Variants in ZNF678 observed in about 807,000 individuals in gnomAD.
ZNF678 encodes hypothetical protein MGC42493.
In ZNF678, 5 loss-of-function variants were observed where a neutral mutation model predicts 3.0. The ratio of observed to expected loss-of-function variants is 1.69; its 90% confidence interval spans 0.88 to 3.56. The LOEUF is 3.56. Among genes scored for constraint, ZNF678 ranks in the 30% most tolerant of loss-of-function variants. ZNF678 has a pLI of 0.00. For synonymous variants in ZNF678, 218 were observed against 199.6 expected (o/e 1.09, Z -0.78); for missense variants, 593 against 605.0 (o/e 0.98, Z 0.21).
chr1:227,653,695 T>A (rs1238556183), intron 3 of ZNF678, among the ~76,000 whole-genome samples: 3 of 152,096 alleles, frequency 2.0e-5, no homozygotes, highest in Non-Finnish European at 4.4e-5. Context: ...TCTCTGGAAT[T>A]GTGTGTTTAC....
At position 227,655,698 on chromosome 1, in the gene ZNF678, A is replaced by T; in HGVS notation, c.1448A>T (p.His483Leu). 1 of 1,612,794 alleles carries T rather than the reference A, an allele frequency of 6.2e-7. No individual in the cohort carries two copies. The part of the protein sequence containing the change: ...FSSLTRHKRI[H>L]TGEKRYKCKE... ...AGCCTTACTCGTCATAAAAGAATTC[A>T]TACTGGAGAGAAACGCTACAAATGT... Residue 483 changes from histidine (H) to leucine (L), a missense_variant, in exon 4 of 4, where the codon CAT becomes CTT. Physicochemically the swap from His to Leu is moderately conservative, Grantham distance 99. Coordinates refer to ENST00000343776, the MANE Select transcript of ZNF678 (RefSeq NM_001367909.1).
rs146831744 is a variant in ZNF678, at chr1:227,644,508, T to A, written c.-163-2036T>A. The stretch of plus-strand genomic sequence containing the variant: ...TGGTCTTCACTTTGGATCATAAATA[T>A]TTGTATTGGGCTAAGAGTATTGTGT... On this transcript the variant is annotated intron_variant, in intron 1 of 3. Transcript: ENST00000343776. Among the ~76,000 whole-genome samples, 1,127 of 152,300 alleles carry A rather than the reference T, an allele frequency of 7.4e-3. 7 individuals carry two copies. The highest frequency in any genetic ancestry group is 0.037 in the Middle Eastern group (11 of 294).
chr1:227,566,169 G>A (rs566696515), intron 1 of ZNF678, among the ~76,000 whole-genome samples: 2 of 152,260 alleles, frequency 1.3e-5, no homozygotes, highest in East Asian at 3.9e-4. Flanking sequence ...TGGTTCCTGG[G>A]TTTTTTCCTC....
At chr1:227,599,209 GGTTTTT>G (rs1362679576) in intron 1 of ZNF678, 6 of 922,056 alleles carry the variant, frequency 6.5e-6, no homozygotes, top group South Asian at 1.4e-5. Flanking sequence ...ACTGGTTTCA[GGTTTTT>G]GTTTTTGTTT....
intron 1 of ZNF678, among the ~76,000 whole-genome samples, chr1:227,576,472 A>T (rs1170099848): frequency 6.6e-6 from 1 of 151,980 alleles, no homozygotes; most frequent in Non-Finnish European, 1.5e-5. Context: ...CAGTCTGGGG[A>T]GGGTGTGTGT....
intron 1 of ZNF678, among the ~76,000 whole-genome samples, chr1:227,610,293 G>A (rs995875460): frequency 2.0e-5 from 3 of 152,140 alleles, no homozygotes; most frequent in African/African-American, 7.2e-5. Flanking sequence ...AAATAGCAGA[G>A]AATAATATTT....
At chr1:227,669,259 AACAG>A (rs1659559497) in intron 5 of ZNF678, among the ~76,000 whole-genome samples, 1 of 152,224 alleles carries the variant, frequency 6.6e-6, no homozygotes, top group Non-Finnish European at 1.5e-5. Flanking sequence ...AAAAGACATG[AACAG>A]ACACTTTTCA....
intron 1 of ZNF678, among the ~76,000 whole-genome samples, chr1:227,603,491 G>A (rs780803360): frequency 1.3e-4 from 20 of 152,136 alleles, no homozygotes; most frequent in Non-Finnish European, 2.6e-4. Flanking sequence ...CAGTGTACTT[G>A]GCAGCCTCAG....
In ZNF678 at chr1:227,606,524, C is replaced by G. The variant is rs546417587; in HGVS notation, c.-163-40020C>G. ...GAGACATTCCATTCCCAGGGACATG[C>G]CGGAATCAGAGGCCTTCCTCTTATT... On this transcript the variant is annotated intron_variant, in intron 1 of 3. Transcript: ENST00000343776. Among the ~76,000 whole-genome samples, 30 of 152,304 alleles carry G rather than the reference C, an allele frequency of 2.0e-4. No individual in the cohort carries two copies. The South Asian group carries it at 6.2e-3, about 32-fold the overall frequency.
chr1:227,643,307 ATATT>A (rs777300427), intron 1 of ZNF678, among the ~76,000 whole-genome samples: 8 of 152,228 alleles, frequency 5.3e-5, no homozygotes, highest in Non-Finnish European at 1.0e-4. Flanking sequence ...GGTTTATATT[ATATT>A]TATTATTAGG....
rs1253417691 is a variant in ZNF678 at position 227,657,189 on chromosome 1, G to C, written c.*1361G>C. 6.6e-6 allele frequency: 1 copy of C among 151,834 alleles called. No individual in the cohort carries two copies. Among genetic ancestry groups the C allele is most frequent in the East Asian group, 1.9e-4 (1 of 5,172 alleles). 9.4% of individuals were successfully genotyped at this position (151,834 alleles called of 1,614,324 possible). A position where few individuals can be genotyped will look rare whatever the true frequency, so the allele number is the denominator to read the frequency against. On this transcript the variant is annotated 3_prime_UTR_variant, in exon 4 of 4. Transcript: ENST00000343776. ...TCTCTGTTAGTTCATGTGAAAGCTG[G>C]TTGTTAAAAACAAAAACAAACAAAC...
intron 1 of ZNF678, among the ~76,000 whole-genome samples, chr1:227,604,942 G>A (rs1459854144): frequency 2.0e-5 from 3 of 151,952 alleles, no homozygotes; most frequent in East Asian, 1.9e-4. Context: ...TGCAAGCTCC[G>A]CCTCCCAGGT....
chr1:227,650,488 A>G (rs1363392967), intron 2 of ZNF678, among the ~76,000 whole-genome samples: 3 of 152,152 alleles, frequency 2.0e-5, no homozygotes, highest in African/African-American at 7.2e-5. Flanking sequence ...AATGCTATAT[A>G]AATTTTAAAA....
chr1:227,646,103 A>G (rs1658948970), intron 1 of ZNF678, among the ~76,000 whole-genome samples: 2 of 152,238 alleles, frequency 1.3e-5, no homozygotes, highest in Admixed American at 6.5e-5. Context: ...TCACAGGTGA[A>G]CTTGTTCAAA....
rs554070579 is a variant in ZNF678 at position 227,655,530 on chromosome 1, A to C, written c.1280A>C (p.His427Pro). 5 of 1,612,792 alleles carry C rather than the reference A, an allele frequency of 3.1e-6. No homozygotes were observed. The South Asian group carries it at 4.4e-5, about 14-fold the overall frequency. ...CSHLTSHKRI[H>P]TGEKPYKCKE... ...CACCTAACTAGCCATAAGAGAATTC[A>C]TACTGGAGAGAAACCCTACAAATGT... Residue 427 changes from histidine (H) to proline (P), a missense_variant, in exon 4 of 4, where the codon CAT (histidine) becomes CCT (proline). Transcript: ENST00000343776.
chr1:227,673,431 A>T lies in ZNF678; in HGVS notation c.227-3748A>T, dbSNP rs183122428. Among the ~76,000 whole-genome samples the T allele has an allele frequency of 5.5e-3, 840 of 152,316 alleles. 25 individuals are homozygous for T. Among genetic ancestry groups the T allele is most frequent in the Admixed American group, 0.043 (656 of 15,292 alleles). On this transcript the variant is annotated intron_variant, in intron 5 of 5. Coordinates refer to the ZNF678 transcript ENST00000608949. Reference sequence around the variant, plus strand: ...CATTTATGGTTTGAGGTTTGCAGAAATAAAACAAAATTGGAGGGAGGTCTG... The same window carrying T: ...CATTTATGGTTTGAGGTTTGCAGAATTAAAACAAAATTGGAGGGAGGTCTG...
intron 1 of ZNF678, among the ~76,000 whole-genome samples, chr1:227,633,241 A>G (rs1658594941): frequency 6.6e-6 from 1 of 152,118 alleles, no homozygotes; most frequent in Non-Finnish European, 1.5e-5. Context: ...TGCAGTTGCA[A>G]GACTTAATAG....
chr1:227,628,732 C>T (rs1164957713), intron 1 of ZNF678, among the ~76,000 whole-genome samples: 1 of 152,230 alleles, frequency 6.6e-6, no homozygotes, highest in Non-Finnish European at 1.5e-5. Context: ...CACAAGGTTT[C>T]TGAACAGGTG....
rs960429650 is a variant in ZNF678 at position 227,638,298 on chromosome 1, G to A, written c.-163-8246G>A. On this transcript the variant is annotated intron_variant, in intron 1 of 3. Coordinates refer to ENST00000343776, the MANE Select transcript of ZNF678 (RefSeq NM_001367909.1). This position sits in a 1 kb window ranked among gnomAD's most constrained non-coding sequence, Gnocchi z 4.2. ...GAATTGCGGAAAGTGAAGTATATGG[G>A]TCAGGAACTACTAGACAGCTTGGTT... 6.6e-6 allele frequency among the ~76,000 whole-genome samples: 1 copy of A among 152,214 alleles called. No homozygotes were observed. The highest frequency in any genetic ancestry group is 1.5e-5 in the Non-Finnish European group (1 of 68,038).
Sources: allele counts gnomAD v4.1 joint callset (sites outside exome capture counted in the v4.1 genomes callset), GRCh38; gene constraint gnomAD v4.1.1; non-coding constraint Gnocchi (gnomAD v3.1); transcripts MANE v1.5; gene names NCBI Gene and HGNC (gene_info 2026-07-23, HGNC 2026-07-21).